Variants in GPATCH8 observed in about 807,000 individuals in gnomAD.
The protein encoded by GPATCH8 is G patch domain-containing protein 8.
A neutral mutation model predicts 118.3 loss-of-function variants in GPATCH8; 18 were observed. That is an observed-to-expected ratio of 0.15 (90% CI 0.11 to 0.23). GPATCH8 has a LOEUF of 0.23. GPATCH8 is among the 10% of genes least tolerant of loss of function. The probability of loss-of-function intolerance (pLI) is 1.00; values close to 1 mark genes in which losing one functional copy is unlikely to be tolerated. For missense variants in GPATCH8, 1,631 were observed against 1,873.8 expected (o/e 0.87, Z 2.39); for synonymous variants, 659 against 684.7 (o/e 0.96, Z 0.59).
In GPATCH8 at chr17:44,397,006, A is replaced by G; in HGVS notation, c.*562T>C. 1 of 454,018 alleles carries G rather than the reference A, an allele frequency of 2.2e-6. No homozygotes were observed. The highest frequency in any genetic ancestry group is 4.4e-6 in the Non-Finnish European group (1 of 226,790). The allele number at this position is 454,018 out of a possible 1,614,324, so 28.1% of individuals were successfully genotyped here. On this transcript the variant is annotated 3_prime_UTR_variant, in exon 8 of 8. Transcript: ENST00000591680. ...TGGATGGAATTGCAGCCTGAGTTAT[A>G]TCAGGTTCCAGGTGAGACGCTTTCC...
chr17:44,428,029 T>C lies in GPATCH8; in HGVS notation c.349-3537A>G, dbSNP rs540043091. Among the ~76,000 whole-genome samples, 215 of 152,028 alleles carry C rather than the reference T, an allele frequency of 1.4e-3. 1 individual carries two copies. Among genetic ancestry groups the C allele is most frequent in the Non-Finnish European group, 2.6e-3 (175 of 67,862 alleles). Reference sequence around the variant, plus strand: ...AGGCGTGGTAGCCCATGTCTGTAATTCCAGCACTTTGGGAGGCCGAGGCAG... The same window carrying C: ...AGGCGTGGTAGCCCATGTCTGTAATCCCAGCACTTTGGGAGGCCGAGGCAG... On this transcript the variant is annotated intron_variant, in intron 5 of 7. Transcript: ENST00000591680.
At position 44,401,037 on chromosome 17, in the gene GPATCH8, C is replaced by T. The variant is rs2049000443; in HGVS notation, c.1040G>A (p.Gly347Glu). The T allele has an allele frequency of 6.2e-7, 1 of 1,614,054 alleles. No individual in the cohort carries two copies. The highest frequency in any genetic ancestry group is 1.3e-5 in the African/African-American group (1 of 74,924). The change falls in exon 8 of 8, where the codon GGA (glycine) becomes GAA (glutamate). Residue 347 changes from glycine (G) to glutamate (E), a missense_variant. By Grantham distance (98) the Gly-to-Glu change is moderately conservative (BLOSUM62 -2). Coordinates refer to ENST00000591680, the MANE Select transcript of GPATCH8 (RefSeq NM_001002909.4). Reference protein sequence around the residue: ...KSSDQGLQKVGDSDGSSNLDG... With the variant: ...KSSDQGLQKVEDSDGSSNLDG... The stretch of plus-strand genomic sequence containing the variant: ...AAGATTACTGCTCCCATCAGAGTCT[C>T]CTACCTTCTGCAGTCCTTGGTCAGA...
intron 1 of GPATCH8, among the ~76,000 whole-genome samples, chr17:44,497,594 G>A (rs1193568431): frequency 1.3e-5 from 2 of 151,588 alleles, no homozygotes; most frequent in Non-Finnish European, 2.9e-5. Flanking sequence ...TCTCAAAAAC[G>A]AATTTTTTAT....
chr17:44,446,777 C>T (rs561220164), intron 3 of GPATCH8, among the ~76,000 whole-genome samples: 1 of 152,252 alleles, frequency 6.6e-6, no homozygotes, highest in South Asian at 2.1e-4. Context: ...CAGGATCACT[C>T]CATTACCCCA....
In GPATCH8 at chr17:44,477,599, AAAT is replaced by A. The variant is rs1385711414; in HGVS notation, c.46-2699_46-2697del. ...TGTTACACATATTTTACCACAATAAAAATAATAAAAATAAAATTGTATGGCAAA... is the reference window on the plus strand; with the variant it reads ...TGTTACACATATTTTACCACAATAAAAATAAAAATAAAATTGTATGGCAAA... On this transcript the variant is annotated intron_variant, in intron 1 of 7. Coordinates refer to ENST00000591680, the MANE Select transcript of GPATCH8 (RefSeq NM_001002909.4). Among the ~76,000 whole-genome samples, 3 of 152,214 alleles carry A rather than the reference AAAT, an allele frequency of 2.0e-5. No individual in the cohort carries two copies. The South Asian group carries it at 6.2e-4, about 32-fold the overall frequency.
At chr17:44,448,048 A>G (rs1409660520) in intron 3 of GPATCH8, among the ~76,000 whole-genome samples, 4 of 152,084 alleles carry the variant, frequency 2.6e-5, no homozygotes, top group Non-Finnish European at 5.9e-5. Context: ...GGTTCAAGCG[A>G]TTCTCCTATC....
chr17:44,397,156 C>T lies in GPATCH8; in HGVS notation c.*412G>A. The T allele has an allele frequency of 2.2e-6, 1 of 457,874 alleles. No homozygotes were observed. The highest frequency in any genetic ancestry group is 4.4e-6 in the Non-Finnish European group (1 of 229,582). The allele number at this position is 457,874 out of a possible 1,614,324, so 28.4% of individuals were successfully genotyped here. On this transcript the variant is annotated 3_prime_UTR_variant, in exon 8 of 8. Transcript: ENST00000591680. ...CGCTGAGAAGGCAAGACCAGATGGG[C>T]CCACAGCAAGTGCTCTGGTGACAAC...
chr17:44,428,945 T>C (rs560368055), intron 5 of GPATCH8, among the ~76,000 whole-genome samples: 3 of 150,908 alleles, frequency 2.0e-5, no homozygotes, highest in African/African-American at 7.3e-5. Context: ...ATCGAGACCA[T>C]CCTGGCTAAC....
rs1368889748 is a variant in GPATCH8 at position 44,399,641 on chromosome 17, T to C, written c.2436A>G (p.Gln812=). ...KRSSRSSHRS[Q]PSSGDEDSDD... Reference sequence around the variant, plus strand: ...CACTATCCTCATCTCCACTACTGGGTTGGCTCCGATGGCTAGACCGGCTGC... The same window carrying C: ...CACTATCCTCATCTCCACTACTGGGCTGGCTCCGATGGCTAGACCGGCTGC... The change falls in exon 8 of 8, where the codon CAA becomes CAG. Residue 812 remains glutamine, a synonymous_variant. Coordinates refer to ENST00000591680, the MANE Select transcript of GPATCH8 (RefSeq NM_001002909.4). 1.1e-5 allele frequency: 18 copies of C among 1,614,088 alleles called. No homozygotes were observed. In the East Asian group the frequency reaches 3.6e-4, roughly 32 times the overall value.
rs1305494369 is a variant in GPATCH8 at position 44,474,724 on chromosome 17, T to A, written c.120+105A>T. On this transcript the variant is annotated intron_variant, in intron 2 of 7. Coordinates refer to ENST00000591680, the MANE Select transcript of GPATCH8 (RefSeq NM_001002909.4). ...GGCATGCAAGAAAACAACTCTAAAC[T>A]GTACTATTGGTTATTAATAAGTTTA... 3 of 723,420 alleles carry A rather than the reference T, an allele frequency of 4.1e-6. No homozygotes were observed. The African/African-American group carries it at 5.2e-5, about 13-fold the overall frequency. The allele number at this position is 723,420 out of a possible 1,614,324, so 44.8% of individuals were successfully genotyped here. A position where few individuals can be genotyped will look rare whatever the true frequency, so the allele number is the denominator to read the frequency against.
At chr17:44,463,409 C>A (rs1375018680) in intron 3 of GPATCH8, among the ~76,000 whole-genome samples, 1 of 152,178 alleles carries the variant, frequency 6.6e-6, no homozygotes, top group South Asian at 2.1e-4. Flanking sequence ...TCTTTTGAGA[C>A]GGAGTCTCAC....
intron 6 of GPATCH8, among the ~76,000 whole-genome samples, chr17:44,420,150 TA>T (rs2049844205): frequency 1.3e-5 from 2 of 152,026 alleles, no homozygotes; most frequent in African/African-American, 4.8e-5. Context: ...ATCACAGATA[TA>T]TATTCTGTAT....
intron 5 of GPATCH8, among the ~76,000 whole-genome samples, chr17:44,432,285 G>A (rs1598475533): frequency 1.3e-5 from 2 of 152,230 alleles, no homozygotes; most frequent in African/African-American, 4.8e-5. Flanking sequence ...GTGAACCCTC[G>A]TTTGATGTAG....
intron 4 of GPATCH8, among the ~76,000 whole-genome samples, chr17:44,435,720 C>G (rs2050485732): frequency 7.0e-6 from 1 of 143,216 alleles, no homozygotes; most frequent in Non-Finnish European, 1.5e-5. Flanking sequence ...CCCAGCGACT[C>G]CTAATTCTTT....
intron 3 of GPATCH8, among the ~76,000 whole-genome samples, chr17:44,438,878 T>C (rs2050598616): frequency 6.6e-6 from 1 of 152,188 alleles, no homozygotes; most frequent in Non-Finnish European, 1.5e-5. Context: ...GCAGCTGTTT[T>C]CATACTGGTC....
intron 5 of GPATCH8, among the ~76,000 whole-genome samples, chr17:44,431,296 A>G (rs1248855816): frequency 6.7e-6 from 1 of 150,352 alleles, no homozygotes; most frequent in Non-Finnish European, 1.5e-5. Flanking sequence ...ATTGCTTGAA[A>G]CCAGGAGGCA....
intron 4 of GPATCH8, among the ~76,000 whole-genome samples, chr17:44,435,870 A>C (rs1273501775): frequency 6.7e-6 from 1 of 150,150 alleles, no homozygotes; most frequent in East Asian, 2.0e-4. Flanking sequence ...AAAAACACAA[A>C]AATTACCCGG....
In GPATCH8 at chr17:44,399,978, G is replaced by C. The variant is rs2048950477; in HGVS notation, c.2099C>G (p.Ser700Cys). Residue 700 changes from serine (S) to cysteine (C), a missense_variant, in exon 8 of 8, where the codon TCT (serine) becomes TGT (cysteine). Ser to Cys is a moderately radical substitution (Grantham distance 112). This residue lies in a region of GPATCH8 where 922 missense variants were observed against 879.7 expected (regional missense o/e 1.05). Coordinates refer to ENST00000591680, the MANE Select transcript of GPATCH8 (RefSeq NM_001002909.4). Reference sequence around the variant, plus strand: ...AGATTTCTCCCCTGACTCTGCCTTAGAGCTTTTCTCTTCTGTGTCAGCCTT... The same window carrying C: ...AGATTTCTCCCCTGACTCTGCCTTACAGCTTTTCTCTTCTGTGTCAGCCTT... The part of the protein sequence containing the change: ...KHKADTEEKS[S>C]KAESGEKSKK... 1.9e-6 allele frequency: 3 copies of C among 1,613,854 alleles called. No homozygotes were observed. Among genetic ancestry groups the C allele is most frequent in the African/African-American group, 2.7e-5 (2 of 74,836 alleles).
intron 3 of GPATCH8, among the ~76,000 whole-genome samples, chr17:44,454,286 T>C (rs755865690): frequency 5.3e-5 from 8 of 152,182 alleles, no homozygotes; most frequent in Non-Finnish European, 8.8e-5. Flanking sequence ...AATATAAGTG[T>C]GCACTACCTT....
Sources: gnomAD v4.1 joint callset for allele counts (sites outside exome capture counted in the v4.1 genomes callset) on GRCh38, gnomAD v4.1.1 for gene constraint, gnomAD v4.1.1 regional missense constraint, MANE v1.5 for transcripts, NCBI Gene and HGNC (gene_info 2026-07-23, HGNC 2026-07-21) for gene names.